Variants in UBE2R2 observed in about 807,000 individuals in gnomAD.
UBE2R2 encodes ubiquitin-conjugating enzyme E2 R2.
In UBE2R2, 1 loss-of-function variant was observed where a neutral mutation model predicts 27.8. The ratio of observed to expected loss-of-function variants is 0.04; its 90% CI spans 0.01 to 0.17. UBE2R2 has a LOEUF of 0.17. Among genes scored for constraint, UBE2R2 ranks in the 10% least tolerant of loss-of-function variants. The pLI, the probability that UBE2R2 is intolerant of heterozygous loss-of-function variation, is 1.00. For synonymous variants in UBE2R2, 106 were observed against 113.3 expected (o/e 0.94, Z 0.41); for missense variants, 100 against 291.0 (o/e 0.34, Z 4.78).
At chr9:33,872,938 G>T (rs1161015173) in intron 1 of UBE2R2, among the ~76,000 whole-genome samples, 6 of 152,070 alleles carry the variant, frequency 3.9e-5, no homozygotes, top group Non-Finnish European at 8.8e-5. Flanking sequence ...ACTTTAGGAG[G>T]CTGAGGCAGA....
chr9:33,912,485 G>A (rs1251094251), intron 4 of UBE2R2, among the ~76,000 whole-genome samples: 2 of 151,976 alleles, frequency 1.3e-5, no homozygotes, highest in Non-Finnish European at 1.5e-5. Context: ...TTAGCCAGGT[G>A]TGGTGGTGCA....
At chr9:33,829,384 A>G (rs1820393490) in intron 1 of UBE2R2, among the ~76,000 whole-genome samples, 1 of 152,214 alleles carries the variant, frequency 6.6e-6, no homozygotes, top group Admixed American at 6.6e-5. Context: ...GTACTCAGAA[A>G]GGTGGAAGAA....
chr9:33,825,346 A>C (rs533540790), intron 1 of UBE2R2, among the ~76,000 whole-genome samples: 1 of 151,310 alleles, frequency 6.6e-6, no homozygotes, highest in Non-Finnish European at 1.5e-5. Flanking sequence ...GGTCCAAGCA[A>C]TTCTCCTCCT....
intron 1 of UBE2R2, among the ~76,000 whole-genome samples, chr9:33,875,530 T>G (rs1395267991): frequency 6.6e-6 from 1 of 152,150 alleles, no homozygotes; most frequent in African/African-American, 2.4e-5. Context: ...TCACTTGAGG[T>G]CTTGAGTTTG....
chr9:33,861,246 C>T (rs1821229224), intron 1 of UBE2R2, among the ~76,000 whole-genome samples: 1 of 150,904 alleles, frequency 6.6e-6, no homozygotes, highest in Non-Finnish European at 1.5e-5. Flanking sequence ...AGGCGTGAGC[C>T]ACTGCGCCTG....
intron 1 of UBE2R2, among the ~76,000 whole-genome samples, chr9:33,851,576 A>C (rs868544752): frequency 6.6e-6 from 1 of 152,024 alleles, no homozygotes; most frequent in East Asian, 1.9e-4. Context: ...AATTTTCCCT[A>C]TGTTCTTTAT....
chr9:33,894,616 G>C (rs547254989), intron 2 of UBE2R2, among the ~76,000 whole-genome samples: 2 of 152,176 alleles, frequency 1.3e-5, no homozygotes, highest in African/African-American at 4.8e-5. Flanking sequence ...TTTTGGGGGG[G>C]GCCACATGTG....
intron 1 of UBE2R2, among the ~76,000 whole-genome samples, chr9:33,863,286 G>A (rs1821286828): frequency 6.6e-6 from 1 of 151,960 alleles, no homozygotes; most frequent in Non-Finnish European, 1.5e-5. Context: ...CACTTTTGGA[G>A]CCCAGGGCAG....
At chr9:33,858,237 C>T (rs1407058757) in intron 1 of UBE2R2, among the ~76,000 whole-genome samples, 3 of 152,080 alleles carry the variant, frequency 2.0e-5, no homozygotes, top group Non-Finnish European at 4.4e-5. Flanking sequence ...AGGTAGCTTG[C>T]CATTATCAAA....
chr9:33,853,525 TC>T (rs1431797957), intron 1 of UBE2R2, among the ~76,000 whole-genome samples: 1 of 152,060 alleles, frequency 6.6e-6, no homozygotes, highest in Non-Finnish European at 1.5e-5. Flanking sequence ...CCTCAGGTGA[TC>T]CGCCCGCCTT....
intron 1 of UBE2R2, among the ~76,000 whole-genome samples, chr9:33,859,053 T>C (rs1317145842): frequency 6.6e-6 from 1 of 152,126 alleles, no homozygotes; most frequent in Non-Finnish European, 1.5e-5. Flanking sequence ...CTTGAACTCC[T>C]GACCTCATGA....
intron 1 of UBE2R2, among the ~76,000 whole-genome samples, chr9:33,879,541 C>T (rs956058883): frequency 1.3e-5 from 2 of 151,814 alleles, no homozygotes; most frequent in Admixed American, 1.3e-4. Context: ...GCAGACTCGA[C>T]CTCCTGGGCT....
intron 1 of UBE2R2, among the ~76,000 whole-genome samples, chr9:33,882,078 G>T (rs763651862): frequency 7.9e-5 from 12 of 151,972 alleles, no homozygotes; most frequent in Non-Finnish European, 1.5e-4. Context: ...GTATTTTGTA[G>T]CTTCGATTAT....
At chr9:33,872,557 CG>C (rs1361030247) in intron 1 of UBE2R2, among the ~76,000 whole-genome samples, 1 of 152,056 alleles carries the variant, frequency 6.6e-6, no homozygotes. Flanking sequence ...GAGGCCAAGG[CG>C]GGCAAATCAC....
Position 33,817,545 on chromosome 9 carries a change from G to A in UBE2R2, c.-213G>A, listed in dbSNP as rs1401474252. The A allele has an allele frequency of 9.3e-6, 3 of 322,104 alleles. No individual in the cohort carries two copies. The highest frequency in any genetic ancestry group is 1.4e-5 in the Non-Finnish European group (3 of 210,048). The allele number at this position is 322,104 out of a possible 1,614,324, so 20.0% of individuals were successfully genotyped here. ...CTCTCGCCCGGCCCGAGTGTGAGGA[G>A]AAGGGCCCGGCCCGGCCTGCGTCGT... On this transcript the variant is annotated 5_prime_UTR_variant, in exon 1 of 5. Transcript: ENST00000263228.
intron 2 of UBE2R2, among the ~76,000 whole-genome samples, chr9:33,889,164 A>G (rs1273413134): frequency 1.3e-5 from 2 of 152,194 alleles, no homozygotes; most frequent in African/African-American, 4.8e-5. Context: ...TTCAGTACGC[A>G]CAGCAGTATT....
chr9:33,820,951 G>A (rs1042977714), intron 1 of UBE2R2, among the ~76,000 whole-genome samples: 1 of 152,066 alleles, frequency 6.6e-6, no homozygotes, highest in African/African-American at 2.4e-5. Context: ...GTGATTCTTA[G>A]TTTTGGGCCA....
chr9:33,830,941 T>A (rs1820460029), intron 1 of UBE2R2: 1 of 151,958 alleles, frequency 6.6e-6, no homozygotes, highest in Admixed American at 6.6e-5. Context: ...ATAACTGTGG[T>A]TCCATTTATA....
At chr9:33,857,341 T>G (rs1391303375) in intron 1 of UBE2R2, among the ~76,000 whole-genome samples, 1 of 150,942 alleles carries the variant, frequency 6.6e-6, no homozygotes, top group Non-Finnish European at 1.5e-5. Flanking sequence ...TATTTTGAGA[T>G]GGAGTCTCAC....
Sources: gnomAD v4.1 joint callset for allele counts (sites outside exome capture counted in the v4.1 genomes callset) on GRCh38, gnomAD v4.1.1 for gene constraint, MANE v1.5 for transcripts, NCBI Gene and HGNC (gene_info 2026-07-23, HGNC 2026-07-21) for gene names.